The following RIC1 variants were observed in gnomAD, a reference collection of about 807,000 sequenced individuals.
The protein encoded by RIC1 is guanine nucleotide exchange factor subunit RIC1.
In RIC1, 88 loss-of-function variants were observed where a neutral mutation model predicts 169.0. The observed-to-expected ratio is 0.52, with a 90% CI of 0.44 to 0.62. The LOEUF is 0.62. Ranked by LOEUF, RIC1 falls within the 20% of genes least tolerant of loss-of-function variation. The pLI, the probability that RIC1 is intolerant of heterozygous loss-of-function variation, is 0.00. For missense variants in RIC1, 1,877 were observed against 1,725.5 expected, an observed-to-expected ratio of 1.09 and a Z score of -1.56; for synonymous variants, 790 against 601.5, an observed-to-expected ratio of 1.31 and a Z score of -4.59.
At chr9:5,728,416 TC>T (rs1325077358) in intron 6 of RIC1, among the ~76,000 whole-genome samples, 3 of 152,180 alleles carry the variant, frequency 2.0e-5, no homozygotes, top group African/African-American at 7.2e-5. Context: ...GGTGGGAGTG[TC>T]CCGATTTTCC....
In RIC1 at chr9:5,743,603, G is replaced by A. The variant is rs141896282; in HGVS notation, c.1047-86G>A. ...TTTCTATTTTAAAGGAGCAAAATCC[G>A]TTTGATTTTTTAAAAAACACTAAAT... On this transcript the variant is annotated intron_variant, in intron 9 of 25. Transcript: ENST00000414202. 8.9e-5 allele frequency: 97 copies of A among 1,086,096 alleles called. No homozygotes were observed. In the Middle Eastern group the frequency reaches 1.1e-3, roughly 12 times the overall value. The allele number at this position is 1,086,096 out of a possible 1,614,324, so 67.3% of individuals were successfully genotyped here. A position where few individuals can be genotyped will look rare whatever the true frequency, so the allele number is the denominator to read the frequency against.
chr9:5,714,036 GAT>G (rs1275884080), intron 4 of RIC1, 33 bp downstream of exon 4: 1 of 1,363,186 alleles, frequency 7.3e-7, no homozygotes, highest in Non-Finnish European at 1.0e-6. Context: ...GACATTGTGT[GAT>G]GACAGTAGAC....
At chr9:5,777,719 T>C (rs1563735675), downstream of RIC1, among the ~76,000 whole-genome samples, 1 of 152,194 alleles carries the variant, frequency 6.6e-6, no homozygotes. Context: ...AACGTGGCTA[T>C]TCAATTGTCA....
intron 1 of RIC1, among the ~76,000 whole-genome samples, chr9:5,640,155 T>C (rs1818169864): frequency 6.6e-6 from 1 of 152,242 alleles, no homozygotes; most frequent in African/African-American, 2.4e-5. Flanking sequence ...CTTTACTTGC[T>C]GTGTTCCTTT....
intron 12 of RIC1, 50 bp from the exon 13 acceptor site, chr9:5,753,150 T>A: frequency 1.3e-6 from 2 of 1,504,144 alleles, no homozygotes; most frequent in Non-Finnish European, 1.9e-6. Flanking sequence ...ATGCTTTAAG[T>A]TTAAATATAT....
rs116732087 is a variant in RIC1, at chr9:5,743,362, G to A, written c.1047-327G>A. ...AGTAGAAAGTTACGTTATCTCATTA[G>A]GTTAATGTAGGTTAGCCCAGTGATT... is the stretch of plus-strand genomic sequence containing the variant. On this transcript the variant is annotated intron_variant, in intron 9 of 25. Coordinates refer to ENST00000414202, the MANE Select transcript of RIC1 (RefSeq NM_020829.4). 3.4e-3 allele frequency among the ~76,000 whole-genome samples: 514 copies of A among 152,156 alleles called. 2 individuals carry two copies. Among genetic ancestry groups the A allele is most frequent in the African/African-American group, 0.012 (501 of 41,508 alleles).
chr9:5,720,381 A>C lies in RIC1; in HGVS notation c.583+57A>C, dbSNP rs531877927. The C allele has an allele frequency of 6.6e-6, 10 of 1,515,026 alleles. No homozygotes were observed. The African/African-American group carries it at 1.1e-4, about 17-fold the overall frequency. 93.8% of individuals were successfully genotyped at this position (1,515,026 alleles called of 1,614,324 possible). On this transcript the variant is annotated intron_variant, in intron 5 of 25. Transcript: ENST00000414202. ...GTTGTTTAATGTTTGATGTCTAGTTAGGTATCTTCTATGGATGAACACTTC... is the reference window on the plus strand; with the variant it reads ...GTTGTTTAATGTTTGATGTCTAGTTCGGTATCTTCTATGGATGAACACTTC...
chr9:5,772,592 A>T lies in RIC1; in HGVS notation c.3645A>T (p.Thr1215=). 1 of 1,613,074 alleles carries T rather than the reference A, an allele frequency of 6.2e-7. No homozygotes were observed. Among genetic ancestry groups the T allele is most frequent in the Non-Finnish European group, 8.5e-7 (1 of 1,179,628 alleles). Residue 1215 remains threonine (T), a synonymous_variant, in exon 24 of 26, where the codon ACA becomes ACT. Transcript: ENST00000414202. ...KGDECSIGSA[T]DLTESSSMVD... is the part of the protein sequence containing the mutation. ...ATGAATGCAGTATTGGTTCAGCCAC[A>T]GACTTGACTGAAAGTAGCTCCATGG...
intron 1 of RIC1, among the ~76,000 whole-genome samples, chr9:5,648,192 C>G (rs776823656): frequency 6.6e-6 from 1 of 152,128 alleles, no homozygotes; most frequent in Admixed American, 6.5e-5. Context: ...CCATGTTGTT[C>G]AGACTGGTCT....
At position 5,770,183 on chromosome 9, in the gene RIC1, T is replaced by G. The variant is rs894205292; in HGVS notation, c.3521T>G (p.Leu1174Arg). 15 of 1,613,888 alleles carry G rather than the reference T, an allele frequency of 9.3e-6. No homozygotes were observed. Among genetic ancestry groups the G allele is most frequent in the Non-Finnish European group, 8.5e-7 (1 of 1,179,942 alleles). The change falls in exon 23 of 26, where the codon CTC (leucine) becomes CGC (arginine). Residue 1174 changes from leucine to arginine, a missense_variant. Physicochemically the swap from Leu to Arg is moderately radical, Grantham distance 102. Coordinates refer to ENST00000414202, the MANE Select transcript of RIC1 (RefSeq NM_020829.4). ...AACATCCAGCGAAGTCAGAGCTGGC[T>G]CAGCAACATTGGCCCCACCCATCAT... is the stretch of plus-strand genomic sequence containing the variant. ...ISNIQRSQSW[L>R]SNIGPTHHEI...
chr9:5,717,183 C>T (rs555591220), intron 4 of RIC1, among the ~76,000 whole-genome samples: 1 of 152,206 alleles, frequency 6.6e-6, no homozygotes, highest in Admixed American at 6.5e-5. Flanking sequence ...TCTGGCCAGT[C>T]ATTTGTTTGT....
intron 1 of RIC1, among the ~76,000 whole-genome samples, chr9:5,642,901 A>ACC (rs1563863446): frequency 6.6e-6 from 1 of 152,194 alleles, no homozygotes; most frequent in African/African-American, 2.4e-5. Context: ...GTAACTTTTA[A>ACC]ACTTGAAAGT....
At position 5,765,568 on chromosome 9, in the gene RIC1, C is replaced by T. The variant is rs771930896; in HGVS notation, c.2996C>T (p.Ala999Val). ...GAGACACCTCCATCCACACCCACAG[C>T]TCAGGTTAGTTGCAAAAGTTACACA... ...ESETPPSTPT[A>V]QEPSSSGGFE... The change falls in exon 20 of 26, where the codon GCT becomes GTT. Residue 999 changes from alanine (A) to valine (V), a missense_variant. Ala to Val is a moderately conservative substitution (Grantham distance 64). Transcript: ENST00000414202. 1.9e-6 allele frequency: 3 copies of T among 1,613,880 alleles called. No individual in the cohort carries two copies. The African/African-American group carries it at 4.0e-5, about 22-fold the overall frequency.
In RIC1 at chr9:5,772,970, A is replaced by G. The variant is rs1233187146; in HGVS notation, c.3873A>G (p.Ser1291=). The G allele has an allele frequency of 1.9e-6, 3 of 1,613,660 alleles. No individual in the cohort carries two copies. The highest frequency in any genetic ancestry group is 8.5e-7 in the Non-Finnish European group (1 of 1,179,746). The change falls in exon 25 of 26, where the codon TCA becomes TCG. Residue 1291 remains serine, a synonymous_variant. Transcript: ENST00000414202. ...TAGGCCTGATTCTTAGAGAATCCTC[A>G]ATAATCAATCAGATTTTGGTTATTA... ...IVIGLILRES[S]IINQILVITQ...
intron 3 of RIC1, among the ~76,000 whole-genome samples, chr9:5,702,290 A>G (rs555615585): frequency 5.3e-5 from 8 of 152,316 alleles, no homozygotes; most frequent in Admixed American, 2.0e-4. Flanking sequence ...ATATTAGTCT[A>G]TTCTCACACT....
chr9:5,695,219 G>A (rs1291152610), intron 3 of RIC1, among the ~76,000 whole-genome samples: 1 of 152,110 alleles, frequency 6.6e-6, no homozygotes, highest in Non-Finnish European at 1.5e-5. Context: ...AGATTTAGCA[G>A]GTATGAAAAT....
chr9:5,738,668 T>A, intron 8 of RIC1, 130 bp downstream of exon 8: 1 of 484,656 alleles, frequency 2.1e-6, no homozygotes, highest in Non-Finnish European at 3.5e-6. Context: ...TCTGGGTGTG[T>A]AAACTGGCTC....
chr9:5,774,273 G>T lies in RIC1; in HGVS notation c.*27G>T. ...AGTGAGGTTCCATCACAAAGGGGCA[G>T]TATTAATTAGCAGCAGCGTGCAGCT... On this transcript the variant is annotated 3_prime_UTR_variant, in exon 26 of 26. Transcript: ENST00000414202. 6.4e-7 allele frequency: 1 copy of T among 1,571,214 alleles called. No homozygotes were observed. The highest frequency in any genetic ancestry group is 8.6e-7 in the Non-Finnish European group (1 of 1,157,074).
chr9:5,650,427 G>T, intron 1 of RIC1, among the ~76,000 whole-genome samples: 1 of 152,040 alleles, frequency 6.6e-6, no homozygotes, highest in Non-Finnish European at 1.5e-5. Flanking sequence ...CAGGCCCCCT[G>T]GTAGAGTGCT....
Sources: gnomAD v4.1 joint callset for allele counts (sites outside exome capture counted in the v4.1 genomes callset) on GRCh38, gnomAD v4.1.1 for gene constraint, MANE v1.5 for transcripts, NCBI Gene and HGNC (gene_info 2026-07-23, HGNC 2026-07-21) for gene names.